NSF: variants seen among roughly 807,000 people sequenced by gnomAD.
The protein encoded by NSF is vesicle-fusing ATPase.
A neutral mutation model predicts 50.3 loss-of-function variants in NSF; 14 were observed. The observed-to-expected ratio is 0.28, with a 90% CI of 0.18 to 0.44. The LOEUF (loss-of-function observed/expected upper bound fraction) is 0.44, where lower values mean the gene tolerates loss of function less well. NSF is among the 20% of genes least tolerant of loss of function. The probability of loss-of-function intolerance (pLI) is 1.00; values close to 1 mark genes in which losing one functional copy is unlikely to be tolerated. For synonymous variants in NSF, 109 were observed against 175.7 expected (o/e 0.62, Z 3.00); for missense variants, 218 against 504.3 (o/e 0.43, Z 5.44).
At chr17:46,732,487 A>G (rs2058959759) in intron 17 of NSF, among the ~76,000 whole-genome samples, 1 of 151,980 alleles carries the variant, frequency 6.6e-6, no homozygotes. Context: ...TTCAGTTACT[A>G]GGATAATTTT....
chr17:46,679,621 G>A (rs1466408254), intron 9 of NSF, among the ~76,000 whole-genome samples: 2 of 139,318 alleles, frequency 1.4e-5, no homozygotes, highest in East Asian at 4.1e-4. Flanking sequence ...GAACCCGGGA[G>A]GCGGAGATTG....
chr17:46,721,905 T>A lies in NSF; in HGVS notation c.1762-4644T>A, dbSNP rs564554713. The stretch of plus-strand genomic sequence containing the variant: ...GCGATAAAGACGACATGCTTCCCAC[T>A]GAACTTTTTCTCCAATTCGCGTACT... On this transcript the variant is annotated intron_variant, in intron 15 of 20. Coordinates refer to ENST00000398238, the MANE Select transcript of NSF (RefSeq NM_006178.4). 5.7e-6 allele frequency: 9 copies of A among 1,590,792 alleles called. No individual in the cohort carries two copies. In the Admixed American group the frequency reaches 1.3e-4, roughly 24 times the overall value.
chr17:46,694,269 T>C (rs796870783), intron 11 of NSF, among the ~76,000 whole-genome samples: 83 of 134,026 alleles, frequency 6.2e-4, no homozygotes, highest in Admixed American at 1.1e-3. Context: ...CACCTGTAAT[T>C]CCAGCTACTC....
intron 18 of NSF, among the ~76,000 whole-genome samples, chr17:46,751,152 A>G (rs926196219): frequency 1.3e-5 from 2 of 152,208 alleles, no homozygotes; most frequent in Non-Finnish European, 2.9e-5. Context: ...GAAGCTGGGT[A>G]AGAGAATTAA....
chr17:46,717,676 C>T (rs924751044), intron 15 of NSF, among the ~76,000 whole-genome samples: 2 of 152,142 alleles, frequency 1.3e-5, no homozygotes, highest in African/African-American at 4.8e-5. Flanking sequence ...CACACCACTG[C>T]ACTCCAGCCT....
intron 1 of NSF, among the ~76,000 whole-genome samples, chr17:46,623,384 C>G (rs1160714993): frequency 2.7e-4 from 7 of 26,394 alleles, no homozygotes; most frequent in South Asian, 1.3e-3. Context: ...CAGTCATAGA[C>G]TATGACTACC....
chr17:46,730,358 G>A (rs564441907), intron 17 of NSF, among the ~76,000 whole-genome samples: 1 of 152,182 alleles, frequency 6.6e-6, no homozygotes, highest in African/African-American at 2.4e-5. Context: ...TTGGGAGAAG[G>A]AAGATTAACT....
chr17:46,721,432 T>C, intron 15 of NSF: 1 of 609,786 alleles, frequency 1.6e-6, no homozygotes, highest in Admixed American at 2.9e-5. Context: ...TAGCCTTCTC[T>C]TTCAGACTTC....
At chr17:46,714,510 C>T (rs933009926) in intron 15 of NSF, among the ~76,000 whole-genome samples, 2 of 152,178 alleles carry the variant, frequency 1.3e-5, no homozygotes, top group African/African-American at 4.8e-5. Flanking sequence ...CCACTCGTCA[C>T]CTTCTTAATT....
chr17:46,740,632 A>G (rs2059060318), intron 17 of NSF, among the ~76,000 whole-genome samples: 1 of 151,366 alleles, frequency 6.6e-6, no homozygotes. Flanking sequence ...TAAGAATACT[A>G]TGGCATGGTC....
Position 46,710,786 on chromosome 17 carries a change from C to T in NSF, c.1471-177C>T, listed in dbSNP as rs571928085. Among the ~76,000 whole-genome samples, 375 of 151,432 alleles carry T rather than the reference C, an allele frequency of 2.5e-3. 1 individual carries two copies. Among genetic ancestry groups the T allele is most frequent in the Non-Finnish European group, 3.9e-3 (263 of 67,800 alleles). On this transcript the variant is annotated intron_variant, in intron 13 of 20. Coordinates refer to ENST00000398238, the MANE Select transcript of NSF (RefSeq NM_006178.4). ...AGTCACCCAAAGCAGCTTTTTTTTT[C>T]CTATTGGGAAAAAAGTTAAATGAGA...
intron 17 of NSF, among the ~76,000 whole-genome samples, chr17:46,743,737 C>G (rs1204259580): frequency 6.6e-6 from 1 of 152,212 alleles, no homozygotes; most frequent in Non-Finnish European, 1.5e-5. Context: ...CCTCACAGGC[C>G]CCTAAGAGGT....
At chr17:46,740,423 A>C (rs1316639143) in intron 17 of NSF, among the ~76,000 whole-genome samples, 1 of 152,172 alleles carries the variant, frequency 6.6e-6, no homozygotes, top group Non-Finnish European at 1.5e-5. Context: ...CAGAGGTAAA[A>C]ATTAAATTAG....
Position 46,755,848 on chromosome 17 carries a change from T to C in NSF, c.*25T>C. ...AAAATGAACTATTTGAAACACACAG[T>C]GACCAAGGGAAGTGACCAAGGTGAA... is the stretch of plus-strand genomic sequence containing the variant. On this transcript the variant is annotated 3_prime_UTR_variant, in exon 21 of 21. Transcript: ENST00000398238. 6.2e-7 allele frequency: 1 copy of C among 1,610,818 alleles called. No homozygotes were observed. Among genetic ancestry groups the C allele is most frequent in the Non-Finnish European group, 8.5e-7 (1 of 1,178,692 alleles).
At position 46,755,973 on chromosome 17, in the gene NSF, A is replaced by C; in HGVS notation, c.*150A>C. 2.9e-6 allele frequency: 2 copies of C among 687,930 alleles called. No homozygotes were observed. The highest frequency in any genetic ancestry group is 4.7e-6 in the Non-Finnish European group (2 of 423,328). The allele number at this position is 687,930 out of a possible 1,614,324, so 42.6% of individuals were successfully genotyped here. On this transcript the variant is annotated 3_prime_UTR_variant, in exon 21 of 21. Transcript: ENST00000398238. Reference sequence around the variant, plus strand: ...CGCTCTGCATGATTAGTGCAATAAAACTCCCTTCCTTATGCATACTGAGAT... The same window carrying C: ...CGCTCTGCATGATTAGTGCAATAAACCTCCCTTCCTTATGCATACTGAGAT...
intron 14 of NSF, among the ~76,000 whole-genome samples, chr17:46,712,655 A>G (rs2058731239): frequency 6.6e-6 from 1 of 152,198 alleles, no homozygotes; most frequent in African/African-American, 2.4e-5. Context: ...TTGCCAGTAT[A>G]TAGACTGTGG....
Position 46,726,467 on chromosome 17 carries a change from G to A in NSF, c.1762-82G>A, listed in dbSNP as rs116498914. 727 of 1,245,148 alleles carry A rather than the reference G, an allele frequency of 5.8e-4. 5 individuals carry two copies. The African/African-American group carries it at 9.5e-3, about 16-fold the overall frequency. The allele number at this position is 1,245,148 out of a possible 1,614,324, so 77.1% of individuals were successfully genotyped here. A position where few individuals can be genotyped will look rare whatever the true frequency, so the allele number is the denominator to read the frequency against. ...GTTTTCCTGTGCTTTGTTTAGTATT[G>A]CTCAAGAAGTAACTAAACTTCTTGG... On this transcript the variant is annotated intron_variant, in intron 15 of 20. Transcript: ENST00000398238.
At chr17:46,743,228 T>G (rs1450237647) in intron 17 of NSF, among the ~76,000 whole-genome samples, 1 of 152,164 alleles carries the variant, frequency 6.6e-6, no homozygotes, top group African/African-American at 2.4e-5. Context: ...GCCAGTGCCC[T>G]GTGTTTGTTT....
At chr17:46,730,617 A>G (rs189149299) in intron 17 of NSF, among the ~76,000 whole-genome samples, 3 of 152,310 alleles carry the variant, frequency 2.0e-5, no homozygotes, top group South Asian at 2.1e-4. Context: ...CTCACAGCCA[A>G]TGGCATAGAG....
Sources: gnomAD v4.1 joint callset for allele counts (sites outside exome capture counted in the v4.1 genomes callset) on GRCh38, gnomAD v4.1.1 for gene constraint, MANE v1.5 for transcripts, NCBI Gene and HGNC (gene_info 2026-07-23, HGNC 2026-07-21) for gene names.